The following CCDC144A variants were observed in gnomAD, a reference collection of about 807,000 sequenced individuals.
The protein encoded by CCDC144A is coiled-coil domain containing 144A, also known as coiled-coil domain-containing protein 144A.
Under a neutral mutation model 143.8 loss-of-function variants are expected in CCDC144A, and 41 were observed. The observed-to-expected ratio is 0.29, with a 90% CI of 0.22 to 0.37. The LOEUF (loss-of-function observed/expected upper bound fraction) is 0.37, where lower values mean the gene tolerates loss of function less well. Ranked by LOEUF, CCDC144A falls within the 10% of genes least tolerant of loss-of-function variation. The pLI is 1.00. For synonymous variants in CCDC144A, 242 were observed against 517.9 expected (o/e 0.47, Z 7.23); for missense variants, 637 against 1,488.8 (o/e 0.43, Z 9.41).
chr17:16,733,364 G>T (rs1382653073), intron 11 of CCDC144A, among the ~76,000 whole-genome samples: 5 of 147,016 alleles, frequency 3.4e-5, no homozygotes. Flanking sequence ...TTAGCCAGGC[G>T]TGGTGGCGGG....
Position 16,699,379 on chromosome 17 carries a change from T to G in CCDC144A, c.416-5772T>G, listed in dbSNP as rs188352668. ...TATTTGCAGGGTTTTTTGGACTTTT[T>G]TTGTTGTTGTTGTTGAGACGGAGTC... On this transcript the variant is annotated intron_variant, in intron 2 of 16. Coordinates refer to ENST00000399273, the MANE Select transcript of CCDC144A (RefSeq NM_001382000.1). Among the ~76,000 whole-genome samples the G allele has an allele frequency of 3.9e-3, 585 of 149,750 alleles. 5 individuals are homozygous for G. Among genetic ancestry groups the G allele is most frequent in the African/African-American group, 0.014 (552 of 40,130 alleles).
chr17:16,675,963 T>C, the CCDC144A span, among the ~76,000 whole-genome samples: 1 of 151,800 alleles, frequency 6.6e-6, no homozygotes, highest in Non-Finnish European at 1.5e-5. Flanking sequence ...ATAGCCAAGA[T>C]GGTCTTGATC....
chr17:16,730,908 TA>T, intron 9 of CCDC144A, among the ~76,000 whole-genome samples: 1 of 144,652 alleles, frequency 6.9e-6, no homozygotes, highest in East Asian at 2.0e-4. Flanking sequence ...TTTTCTAAGC[TA>T]AAACAGAGAT....
intron 5 of CCDC144A, among the ~76,000 whole-genome samples, chr17:16,710,927 C>A (rs1195540465): frequency 2.0e-5 from 3 of 146,854 alleles, no homozygotes; most frequent in Non-Finnish European, 3.0e-5. Flanking sequence ...TGGCTTTAGC[C>A]CAGTTATCTA....
chr17:16,729,552 CCTTTT>C (rs892185230), intron 9 of CCDC144A, among the ~76,000 whole-genome samples: 17 of 152,002 alleles, frequency 1.1e-4, no homozygotes, highest in Non-Finnish European at 1.9e-4. Context: ...TGTGCAGAAG[CCTTTT>C]CTTTTCTTTT....
rs1294317489 is a variant in CCDC144A at position 16,690,482 on chromosome 17, A to G, written c.82A>G (p.Ser28Gly). ...AGTCTACGCCACGAGGAAGACCCCTAGCGTCGGGAGCCAGGGGGACCAGTG... is the reference window on the plus strand; with the variant it reads ...AGTCTACGCCACGAGGAAGACCCCTGGCGTCGGGAGCCAGGGGGACCAGTG... ...PAVYATRKTP[S>G]VGSQGDQWYL... Residue 28 changes from serine (S) to glycine (G), a missense_variant, in exon 1 of 17, where the codon AGC (serine) becomes GGC (glycine). Coordinates refer to ENST00000399273, the MANE Select transcript of CCDC144A (RefSeq NM_001382000.1). 1 of 1,613,436 alleles carries G rather than the reference A, an allele frequency of 6.2e-7. No homozygotes were observed.
intron 10 of CCDC144A, 72 bp from the exon 11 acceptor site, chr17:16,732,466 G>C: frequency 2.2e-6 from 2 of 913,350 alleles, no homozygotes; most frequent in African/African-American, 1.7e-5. Flanking sequence ...TTTTATAAGA[G>C]AGGCTCTGCT....
chr17:16,746,767 G>A, intron 12 of CCDC144A: 1 of 1,600,260 alleles, frequency 6.2e-7, no homozygotes. Flanking sequence ...CCACCTGCGG[G>A]GAGCGCGCGG....
In CCDC144A at chr17:16,704,296, T is replaced by TA. The variant is rs1016175344; in HGVS notation, c.416-846dup. On this transcript the variant is annotated intron_variant, in intron 2 of 16. Coordinates refer to ENST00000399273, the MANE Select transcript of CCDC144A (RefSeq NM_001382000.1). ...GGTGAAACCCCGTCTCTACTAAAAA[T>TA]AAAAAAAAATTAGCCGGGCGTAGTG... Among the ~76,000 whole-genome samples, 120 of 150,842 alleles carry TA rather than the reference T, an allele frequency of 8.0e-4. 1 individual carries two copies. The highest frequency in any genetic ancestry group is 1.2e-3 in the Non-Finnish European group (79 of 67,646).
chr17:16,735,090 T>C lies in CCDC144A; in HGVS notation c.2819T>C (p.Phe940Ser), dbSNP rs201061368. 6.3e-7 allele frequency: 1 copy of C among 1,578,696 alleles called. No homozygotes were observed. The highest frequency in any genetic ancestry group is 8.6e-7 in the Non-Finnish European group (1 of 1,162,860). The change falls in exon 12 of 17, where the codon TTC becomes TCC. Residue 940 changes from phenylalanine to serine, a missense_variant. By Grantham distance (155) the Phe-to-Ser change is radical. Coordinates refer to ENST00000399273, the MANE Select transcript of CCDC144A (RefSeq NM_001382000.1). ...SQTARDLKLD[F>S]QRTRQEWVRL... ...ACAGCAAGAGACCTAAAACTTGATTTCCAGAGAACAAGACAAGAGTGGGTT... is the reference window on the plus strand; with the variant it reads ...ACAGCAAGAGACCTAAAACTTGATTCCCAGAGAACAAGACAAGAGTGGGTT...
chr17:16,674,813 T>C, the CCDC144A span, among the ~76,000 whole-genome samples: 7 of 152,096 alleles, frequency 4.6e-5, no homozygotes, highest in African/African-American at 1.7e-4. Flanking sequence ...TATACTTGAA[T>C]GAAATTATGA....
At chr17:16,771,045 T>C (rs1460984831) in intron 15 of CCDC144A, among the ~76,000 whole-genome samples, 2 of 152,210 alleles carry the variant, frequency 1.3e-5, no homozygotes, top group Admixed American at 6.5e-5. Flanking sequence ...GATATCATTA[T>C]CTTTATCACC....
intron 5 of CCDC144A, chr17:16,710,124 G>C (rs1912314630): frequency 1.1e-5 from 2 of 174,304 alleles, no homozygotes; most frequent in African/African-American, 4.8e-5. Flanking sequence ...AGGATCATTT[G>C]AGGCCAGGCA....
chr17:16,732,530 A>G lies in CCDC144A; in HGVS notation c.2290-8A>G, dbSNP rs1343379145. The G allele has an allele frequency of 4.4e-6, 7 of 1,604,890 alleles. No individual in the cohort carries two copies. The highest frequency in any genetic ancestry group is 2.7e-5 in the African/African-American group (2 of 74,224). ...GCTATTAGACCAAAACCTCCATGTT[A>G]TCTCTAGGTTGTGCAGGAGAGAAAC... On this transcript the variant is annotated splice_region_variant and splice_polypyrimidine_tract_variant and intron_variant, in intron 10 of 16. Transcript: ENST00000399273.
chr17:16,737,404 G>T (rs1201303097), intron 12 of CCDC144A: 2 of 944,260 alleles, frequency 2.1e-6, no homozygotes, highest in East Asian at 1.3e-4. Context: ...CTGACCTCGT[G>T]ATCCGCCCGC....
the CCDC144A span, among the ~76,000 whole-genome samples, chr17:16,670,228 C>T: frequency 1.3e-5 from 2 of 151,386 alleles, no homozygotes; most frequent in African/African-American, 4.9e-5. Flanking sequence ...AAATCAGTAA[C>T]TTAGCAGTTT....
chr17:16,770,990 T>TA (rs970134440), intron 15 of CCDC144A, among the ~76,000 whole-genome samples: 48 of 149,644 alleles, frequency 3.2e-4, no homozygotes, highest in African/African-American at 9.0e-4. Flanking sequence ...AACCTGTTAG[T>TA]AAAAAAAAAA....
Position 16,775,786 on chromosome 17 carries a change from G to GT in CCDC144A, c.*2154dup, listed in dbSNP as rs1293964266. ...CGTCATGAAATCTTTGCCCTTGCCT[G>GT]TGTCCTGAATGGCATTGCCTAGGTT... On this transcript the variant is annotated 3_prime_UTR_variant, in exon 17 of 17. Coordinates refer to ENST00000399273, the MANE Select transcript of CCDC144A (RefSeq NM_001382000.1). 2 of 152,202 alleles carry GT rather than the reference G, an allele frequency of 1.3e-5. No homozygotes were observed. The highest frequency in any genetic ancestry group is 4.8e-5 in the African/African-American group (2 of 41,444). 9.4% of individuals were successfully genotyped at this position (152,202 alleles called of 1,614,324 possible).
chr17:16,758,001 C>G (rs534013185), intron 12 of CCDC144A, among the ~76,000 whole-genome samples: 3 of 152,294 alleles, frequency 2.0e-5, no homozygotes, highest in African/African-American at 4.8e-5. Context: ...CCAGTATACT[C>G]TCTTTGATGT....
Sources: allele counts gnomAD v4.1 joint callset (sites outside exome capture counted in the v4.1 genomes callset), GRCh38; gene constraint gnomAD v4.1.1; transcripts MANE v1.5; gene names NCBI Gene and HGNC (gene_info 2026-07-23, HGNC 2026-07-21).